The following DCHS2 variants were observed in gnomAD, a reference collection of about 807,000 sequenced individuals.
The protein encoded by DCHS2 is dachsous cadherin-related 2, also known as protocadherin-23.
A neutral mutation model predicts 182.4 loss-of-function variants in DCHS2; 142 were observed. The ratio of observed to expected loss-of-function variants is 0.78; its 90% CI spans 0.68 to 0.89. The LOEUF (loss-of-function observed/expected upper bound fraction) is 0.89. Among genes scored for constraint, DCHS2 ranks in the 40% least tolerant of loss-of-function variants. DCHS2 has a pLI of 0.00. For missense variants in DCHS2, 4,319 were observed against 4,198.6 expected, an observed-to-expected ratio of 1.03 and a Z score of -0.79; for synonymous variants, 1,740 against 1,663.3, an observed-to-expected ratio of 1.05 and a Z score of -1.12.
chr4:154,269,619 C>T (rs1319489839), intron 14 of DCHS2, among the ~76,000 whole-genome samples: 3 of 152,020 alleles, frequency 2.0e-5, no homozygotes, highest in Non-Finnish European at 4.4e-5. Flanking sequence ...TCCAATTTTC[C>T]CAAATACATG....
chr4:154,357,122 G>A (rs768510770), intron 3 of DCHS2: 8 of 737,334 alleles, frequency 1.1e-5, no homozygotes, highest in African/African-American at 3.5e-5. Flanking sequence ...TTTGGCCTGC[G>A]AAGTTGTTTA....
chr4:154,343,821 T>G (rs1729228274), intron 3 of DCHS2, among the ~76,000 whole-genome samples: 1 of 152,218 alleles, frequency 6.6e-6, no homozygotes, highest in African/African-American at 2.4e-5. Context: ...CTTCAAGAAC[T>G]TTTCCTTTAC....
chr4:154,236,012 G>A lies in DCHS2; in HGVS notation c.8640C>T (p.Phe2880=). The A allele has an allele frequency of 6.2e-7, 1 of 1,613,926 alleles. No individual in the cohort carries two copies. The highest frequency in any genetic ancestry group is 8.5e-7 in the Non-Finnish European group (1 of 1,179,944). ...IEGIDEFEPI[F]TQDQYFFTLP... is the part of the protein sequence containing the mutation. ...GGGTGAAAAAATACTGATCTTGAGT[G>A]AAAATGGGCTCAAATTCATCTATCC... Residue 2880 remains phenylalanine (F), a synonymous_variant, in exon 20 of 20, where the codon TTC becomes TTT. Coordinates refer to ENST00000357232, the MANE Select transcript of DCHS2 (RefSeq NM_001358235.2).
chr4:154,374,566 T>A lies in DCHS2; in HGVS notation c.2244+2687A>T, dbSNP rs545514646. On this transcript the variant is annotated intron_variant, in intron 2 of 19. Transcript: ENST00000357232. ...AGAGTCAGGGATTCCTGAAACTACA[T>A]AGTAAGGTATTGGCAAAAATCTAAC... 5.3e-4 allele frequency among the ~76,000 whole-genome samples: 80 copies of A among 152,318 alleles called. 1 individual carries two copies. Among genetic ancestry groups the A allele is most frequent in the African/African-American group, 1.9e-3 (77 of 41,574 alleles).
chr4:154,260,319 ATC>A (rs983791918), intron 14 of DCHS2, among the ~76,000 whole-genome samples: 4 of 152,070 alleles, frequency 2.6e-5, no homozygotes, highest in Non-Finnish European at 5.9e-5. Flanking sequence ...CCTGGGAGCT[ATC>A]TCTCTCCATA....
intron 5 of DCHS2, 139 bp from the exon 6 acceptor site, chr4:154,329,849 C>A: frequency 1.6e-6 from 1 of 623,970 alleles, no homozygotes; most frequent in Non-Finnish European, 2.4e-6. Context: ...AGTAGTTTGG[C>A]TCTATGGTAC....
intron 1 of DCHS2, among the ~76,000 whole-genome samples, chr4:154,379,548 A>G (rs928087827): frequency 6.6e-6 from 1 of 152,134 alleles, no homozygotes; most frequent in African/African-American, 2.4e-5. Flanking sequence ...ACCCAGTGCC[A>G]CTCTACTATA....
intron 1 of DCHS2, among the ~76,000 whole-genome samples, chr4:154,419,895 G>A (rs540499202): frequency 4.0e-4 from 61 of 151,668 alleles, no homozygotes; most frequent in Non-Finnish European, 1.3e-4. Flanking sequence ...TGGTGTGTAG[G>A]GGGAAGTGGA....
chr4:154,378,111 A>G (rs1302779621), intron 1 of DCHS2, among the ~76,000 whole-genome samples: 1 of 152,170 alleles, frequency 6.6e-6, no homozygotes. Flanking sequence ...GTGCTCGCCA[A>G]AACAGGCACA....
chr4:154,328,482 G>A (rs928807796), intron 6 of DCHS2, among the ~76,000 whole-genome samples: 3 of 152,098 alleles, frequency 2.0e-5, no homozygotes, highest in Non-Finnish European at 4.4e-5. Flanking sequence ...TAGATTTTTG[G>A]TGTATTTTAA....
At chr4:154,384,408 C>T (rs751981759) in intron 1 of DCHS2, 5 of 1,613,566 alleles carry the variant, frequency 3.1e-6, no homozygotes, top group Non-Finnish European at 4.2e-6. Flanking sequence ...TTCCTGGCTT[C>T]TGAACACTAT....
chr4:154,237,330 G>A (rs1731580583), intron 19 of DCHS2, 171 bp from the exon 20 acceptor site: 2 of 893,648 alleles, frequency 2.2e-6, no homozygotes, highest in South Asian at 2.4e-5. Flanking sequence ...GTATTTATAT[G>A]TTTATAACAT....
chr4:154,473,690 C>T (rs1344790300), intron 1 of DCHS2, among the ~76,000 whole-genome samples: 3 of 152,054 alleles, frequency 2.0e-5, no homozygotes, highest in East Asian at 1.9e-4. Flanking sequence ...GCAGGAGAAG[C>T]GGAAGATGAT....
intron 2 of DCHS2, among the ~76,000 whole-genome samples, chr4:154,368,452 C>T (rs1004588273): frequency 1.3e-5 from 2 of 151,532 alleles, no homozygotes; most frequent in Non-Finnish European, 2.9e-5. Context: ...AACAAAGATC[C>T]TAAATCAGGC....
rs576852934 is a variant in DCHS2 at position 154,472,973 on chromosome 4, C to T, written c.2052+16331G>A. On this transcript the variant is annotated intron_variant, in intron 1 of 19. Coordinates refer to ENST00000357232, the MANE Select transcript of DCHS2 (RefSeq NM_001358235.2). Reference sequence around the variant, plus strand: ...TTTTCATTATTAAGTAAAATTAATCCATGTGAAGTAAGGGGAAGCAACACA... The same window carrying T: ...TTTTCATTATTAAGTAAAATTAATCTATGTGAAGTAAGGGGAAGCAACACA... 7.2e-5 allele frequency among the ~76,000 whole-genome samples: 11 copies of T among 152,174 alleles called. No individual in the cohort carries two copies. In the South Asian group the frequency reaches 1.7e-3, roughly 23 times the overall value.
At chr4:154,273,734 G>A (rs1733702538) in intron 13 of DCHS2, among the ~76,000 whole-genome samples, 1 of 152,122 alleles carries the variant, frequency 6.6e-6, no homozygotes, top group South Asian at 2.1e-4. Context: ...TTAGTCCTCT[G>A]ATATTAGGCC....
At chr4:154,313,683 A>T (rs990459817) in intron 10 of DCHS2, among the ~76,000 whole-genome samples, 4 of 152,252 alleles carry the variant, frequency 2.6e-5, no homozygotes, top group Non-Finnish European at 5.9e-5. Flanking sequence ...GTGCATACAC[A>T]CAAATATTCA....
chr4:154,277,089 A>G (rs531920204), intron 13 of DCHS2, among the ~76,000 whole-genome samples: 5 of 152,294 alleles, frequency 3.3e-5, no homozygotes, highest in Admixed American at 2.6e-4. Context: ...GGCATATAAT[A>G]AGCATTCTAA....
chr4:154,485,548 C>T (rs1364351048), intron 1 of DCHS2, among the ~76,000 whole-genome samples: 2 of 152,238 alleles, frequency 1.3e-5, no homozygotes, highest in African/African-American at 4.8e-5. Context: ...ACAATAAGCT[C>T]TGCTAGCAAG....
Sources: allele counts gnomAD v4.1 joint callset (sites outside exome capture counted in the v4.1 genomes callset), GRCh38; gene constraint gnomAD v4.1.1; transcripts MANE v1.5; gene names NCBI Gene and HGNC (gene_info 2026-07-23, HGNC 2026-07-21).